The following CRB1 variants were observed in gnomAD, a reference collection of about 807,000 sequenced individuals.
The protein encoded by CRB1 is protein crumbs homolog 1.
CRB1 carries 83 observed loss-of-function variants against 120.0 expected under a neutral mutation model. That is an observed-to-expected ratio of 0.69 (90% CI 0.58 to 0.83). CRB1 has a LOEUF of 0.83. CRB1 is among the 40% of genes least tolerant of loss of function. The pLI is 0.00. For missense variants in CRB1, 1,699 were observed against 1,687.6 expected, an observed-to-expected ratio of 1.01 and a Z score of -0.12; for synonymous variants, 625 against 612.5, an observed-to-expected ratio of 1.02 and a Z score of -0.30.
the CRB1 span, among the ~76,000 whole-genome samples, chr1:197,215,133 AACTC>A: frequency 6.6e-6 from 1 of 152,186 alleles, no homozygotes; most frequent in African/African-American, 2.4e-5. Flanking sequence ...CAATGATAAA[AACTC>A]AACAAATTAG....
chr1:197,297,817 G>A (rs1016413074), intron 1 of CRB1, among the ~76,000 whole-genome samples: 1 of 151,982 alleles, frequency 6.6e-6, no homozygotes. Context: ...AAAGTATGAA[G>A]CTATAAAAAA....
chr1:197,231,503 C>T, the CRB1 span, among the ~76,000 whole-genome samples: 1 of 151,988 alleles, frequency 6.6e-6, no homozygotes, highest in Non-Finnish European at 1.5e-5. Context: ...GAACACTCTC[C>T]CATGATACAG....
the CRB1 span, among the ~76,000 whole-genome samples, chr1:197,204,000 G>A: frequency 6.6e-5 from 10 of 150,914 alleles, no homozygotes; most frequent in Non-Finnish European, 1.5e-4. Context: ...TTATGCCTTT[G>A]CATCCTCATA....
chr1:197,424,337 A>G (rs183806992), intron 6 of CRB1, among the ~76,000 whole-genome samples: 184 of 152,280 alleles, frequency 1.2e-3, no homozygotes, highest in African/African-American at 4.3e-3. Flanking sequence ...CATTTCTGGA[A>G]CACATGCAAA....
intron 5 of CRB1, among the ~76,000 whole-genome samples, chr1:197,365,544 T>G (rs1378668200): frequency 6.6e-6 from 1 of 151,920 alleles, no homozygotes; most frequent in Non-Finnish European, 1.5e-5. Flanking sequence ...GTAAGCTCTT[T>G]CTCTGGCTGC....
the CRB1 span, among the ~76,000 whole-genome samples, chr1:197,250,209 G>A: frequency 6.6e-6 from 1 of 151,758 alleles, no homozygotes; most frequent in Non-Finnish European, 1.5e-5. Flanking sequence ...TAATCTATTG[G>A]AAATTTATAT....
chr1:197,363,524 CTTTT>C (rs1002587058), intron 5 of CRB1, among the ~76,000 whole-genome samples: 1 of 152,004 alleles, frequency 6.6e-6, no homozygotes, highest in Non-Finnish European at 1.5e-5. Context: ...TTCTACACAA[CTTTT>C]TTTTCTGCAC....
intron 11 of CRB1, among the ~76,000 whole-genome samples, chr1:197,453,929 TATTATTAA>T (rs1666144732): frequency 2.5e-5 from 1 of 40,660 alleles, no homozygotes; most frequent in Non-Finnish European, 4.9e-5. Flanking sequence ...GATATTATTA[TATTATTAA>T]TAATATATAT....
chr1:197,220,006 G>C, the CRB1 span, among the ~76,000 whole-genome samples: 6 of 152,152 alleles, frequency 3.9e-5, no homozygotes, highest in African/African-American at 1.4e-4. Context: ...TCCTGAAACT[G>C]CATACCTCTT....
At chr1:197,452,732 A>T (rs1409259343) in intron 11 of CRB1, among the ~76,000 whole-genome samples, 3 of 152,226 alleles carry the variant, frequency 2.0e-5, no homozygotes, top group Non-Finnish European at 4.4e-5. Flanking sequence ...CACTATCTTT[A>T]GTAACAAACC....
chr1:197,407,489 T>C (rs1663475563), intron 5 of CRB1, among the ~76,000 whole-genome samples: 1 of 152,186 alleles, frequency 6.6e-6, no homozygotes, highest in Admixed American at 6.5e-5. Flanking sequence ...TAGATAAAAT[T>C]TGTGTCTCTG....
the CRB1 span, among the ~76,000 whole-genome samples, chr1:197,209,232 A>G: frequency 1.3e-5 from 2 of 152,176 alleles, no homozygotes; most frequent in African/African-American, 4.8e-5. Flanking sequence ...TGCACTCCCG[A>G]TTTGCTCCCT....
At chr1:197,355,963 A>G (rs76796337) in intron 4 of CRB1, among the ~76,000 whole-genome samples, 82 of 152,360 alleles carry the variant, frequency 5.4e-4, no homozygotes, top group African/African-American at 1.9e-3. Flanking sequence ...TCTCATAATG[A>G]TATTAATTGC....
chr1:197,246,475 C>G, the CRB1 span, among the ~76,000 whole-genome samples: 8 of 152,004 alleles, frequency 5.3e-5, no homozygotes, highest in African/African-American at 1.7e-4. Context: ...ACCACCATGT[C>G]ATTTCTTGTG....
At chr1:197,213,956 T>C in the CRB1 span, among the ~76,000 whole-genome samples, 1 of 152,118 alleles carries the variant, frequency 6.6e-6, no homozygotes, top group South Asian at 2.1e-4. Flanking sequence ...AATCTAACTT[T>C]CCACCTCAAA....
chr1:197,394,092 T>C (rs1662649348), intron 5 of CRB1, among the ~76,000 whole-genome samples: 1 of 152,058 alleles, frequency 6.6e-6, no homozygotes, highest in African/African-American at 2.4e-5. Flanking sequence ...GATTTTCTTC[T>C]GCCTGTGCCC....
intron 11 of CRB1, among the ~76,000 whole-genome samples, chr1:197,455,001 T>A (rs1184159441): frequency 6.6e-6 from 1 of 152,178 alleles, no homozygotes; most frequent in Non-Finnish European, 1.5e-5. Flanking sequence ...CATAAAGATA[T>A]TTTTAATGTG....
At chr1:197,468,511 A>T (rs988142345) in intron 11 of CRB1, among the ~76,000 whole-genome samples, 2 of 152,128 alleles carry the variant, frequency 1.3e-5, no homozygotes, top group Non-Finnish European at 2.9e-5. Context: ...TCTTCTTATG[A>T]CTGAGAAGAA....
chr1:197,410,275 G>A (rs1326319996), intron 5 of CRB1, among the ~76,000 whole-genome samples: 2 of 152,166 alleles, frequency 1.3e-5, no homozygotes, highest in African/African-American at 2.4e-5. Context: ...ATGGATTAAG[G>A]CCTGAGGAAA....
Sources: allele counts gnomAD v4.1 joint callset (sites outside exome capture counted in the v4.1 genomes callset), GRCh38; gene constraint gnomAD v4.1.1; transcripts MANE v1.5; gene names NCBI Gene and HGNC (gene_info 2026-07-23, HGNC 2026-07-21).